Variants in GPCPD1 observed in about 807,000 individuals in gnomAD.
The protein encoded by GPCPD1 is glycerophosphocholine phosphodiesterase 1.
GPCPD1 carries 29 observed loss-of-function variants against 89.2 expected under a neutral mutation model. The ratio of observed to expected loss-of-function variants is 0.33; its 90% CI spans 0.24 to 0.44. The LOEUF is 0.44. Ranked by LOEUF, GPCPD1 falls within the 20% of genes least tolerant of loss-of-function variation. GPCPD1 has a pLI of 1.00. For missense variants in GPCPD1, 594 were observed against 808.9 expected (o/e 0.73, Z 3.22); for synonymous variants, 258 against 266.3 (o/e 0.97, Z 0.30).
chr20:5,581,774 TCTC>T (rs941620791), intron 6 of GPCPD1, among the ~76,000 whole-genome samples: 17 of 147,236 alleles, frequency 1.2e-4, no homozygotes, highest in African/African-American at 3.8e-4. Context: ...TTAGAAATTC[TCTC>T]CTAACTTAAG....
chr20:5,577,648 G>A (rs764000862), intron 8 of GPCPD1, among the ~76,000 whole-genome samples: 1 of 151,970 alleles, frequency 6.6e-6, no homozygotes, highest in Admixed American at 6.6e-5. Flanking sequence ...GAAACTGGCT[G>A]GGGGCTACTG....
rs780051276 is a variant in GPCPD1, at chr20:5,604,408, G to T, written c.5C>A (p.Thr2Lys). ...TATTTCAAAGGCAACCTGAGAAGGT[G>T]TCATTCTGATGGATTTATTTTATGA... M[T>K]PSQVAFEIRG... Residue 2 changes from threonine to lysine, a missense_variant, in exon 2 of 20, where the codon ACA (threonine) becomes AAA (lysine). By Grantham distance (78) the Thr-to-Lys change is moderately conservative (BLOSUM62 -1). Coordinates refer to ENST00000379019, the MANE Select transcript of GPCPD1 (RefSeq NM_019593.5). 4 of 1,564,292 alleles carry T rather than the reference G, an allele frequency of 2.6e-6. No homozygotes were observed. In the Admixed American group the frequency reaches 6.9e-5, roughly 27 times the overall value.
intron 3 of GPCPD1, among the ~76,000 whole-genome samples, chr20:5,594,885 G>A (rs1255256586): frequency 6.6e-6 from 1 of 152,182 alleles, no homozygotes; most frequent in Non-Finnish European, 1.5e-5. Flanking sequence ...CTTACTTCGT[G>A]TCTATGTCAC....
intron 6 of GPCPD1, among the ~76,000 whole-genome samples, chr20:5,581,648 C>G (rs1978492010): frequency 6.6e-6 from 1 of 152,046 alleles, no homozygotes; most frequent in South Asian, 2.1e-4. Flanking sequence ...AGCTACTCAC[C>G]TACTTAACAT....
chr20:5,594,796 T>C (rs1323406166), intron 3 of GPCPD1, among the ~76,000 whole-genome samples: 6 of 152,256 alleles, frequency 3.9e-5, no homozygotes, highest in Admixed American at 3.9e-4. Context: ...TCACAGATAC[T>C]GTGTTTTTTA....
intron 5 of GPCPD1, chr20:5,584,975 T>C (rs1600771408): frequency 6.6e-6 from 1 of 152,382 alleles, no homozygotes; most frequent in Middle Eastern, 3.4e-3. Flanking sequence ...CTTTAAACGT[T>C]AGTCTGAAAT....
Position 5,546,637 on chromosome 20 carries a change from T to G in GPCPD1, c.*1024A>C, listed in dbSNP as rs1370078419. Reference sequence around the variant, plus strand: ...ATGCATGATATACAATAAAGAATACTAATATGAAAATTCAGGACATTTATT... The same window carrying G: ...ATGCATGATATACAATAAAGAATACGAATATGAAAATTCAGGACATTTATT... On this transcript the variant is annotated 3_prime_UTR_variant, in exon 20 of 20. Coordinates refer to ENST00000379019, the MANE Select transcript of GPCPD1 (RefSeq NM_019593.5). 1 of 152,434 alleles carries G rather than the reference T, an allele frequency of 6.6e-6. No individual in the cohort carries two copies. Among genetic ancestry groups the G allele is most frequent in the Non-Finnish European group, 1.5e-5 (1 of 68,038 alleles). 9.4% of individuals were successfully genotyped at this position (152,434 alleles called of 1,614,324 possible).
chr20:5,604,568 A>T (rs373558452), intron 1 of GPCPD1, 128 bp from the exon 2 acceptor site: 1 of 181,422 alleles, frequency 5.5e-6, no homozygotes, highest in East Asian at 2.0e-4. Context: ...TTGCAGTTTT[A>T]TGGTGGGATT....
intron 12 of GPCPD1, among the ~76,000 whole-genome samples, chr20:5,568,590 C>T (rs977279992): frequency 6.6e-6 from 1 of 152,020 alleles, no homozygotes; most frequent in East Asian, 1.9e-4. Context: ...AATATTTGAA[C>T]TCTCATTGAT....
chr20:5,589,314 TA>T (rs1041923107), intron 4 of GPCPD1, among the ~76,000 whole-genome samples: 1 of 151,650 alleles, frequency 6.6e-6, no homozygotes, highest in Non-Finnish European at 1.5e-5. Context: ...TTTACTTCTT[TA>T]AAAAAAAATT....
At chr20:5,556,522 G>C (rs1429199030) in intron 19 of GPCPD1, among the ~76,000 whole-genome samples, 1 of 152,058 alleles carries the variant, frequency 6.6e-6, no homozygotes, top group Non-Finnish European at 1.5e-5. Context: ...ACATTTATAT[G>C]CACTCGGAAC....
At chr20:5,576,142 C>T (rs796328784) in intron 8 of GPCPD1, among the ~76,000 whole-genome samples, 164 bp from the exon 9 acceptor site, 10 of 151,400 alleles carry the variant, frequency 6.6e-5, no homozygotes, top group African/African-American at 2.2e-4. Flanking sequence ...TATTTTCGGC[C>T]GGGGTCAGTG....
chr20:5,558,188 C>T lies in GPCPD1; in HGVS notation c.1669-83G>A, dbSNP rs1292044343. 5.3e-6 allele frequency: 4 copies of T among 748,186 alleles called. No individual in the cohort carries two copies. In the Admixed American group the frequency reaches 1.1e-4, roughly 21 times the overall value. The allele number at this position is 748,186 out of a possible 1,614,324, so 46.3% of individuals were successfully genotyped here. On this transcript the variant is annotated intron_variant, in intron 18 of 19. Coordinates refer to ENST00000379019, the MANE Select transcript of GPCPD1 (RefSeq NM_019593.5). The stretch of plus-strand genomic sequence containing the variant: ...GCTCACACTCTAAATCAGTGCTCTC[C>T]AAAGTACAGCAGGCGGGAAAAGAAA...
At chr20:5,548,824 C>A (rs1985191783) in intron 19 of GPCPD1, 3 of 611,310 alleles carry the variant, frequency 4.9e-6, no homozygotes, top group South Asian at 3.3e-5. Flanking sequence ...AGGAGCAGAT[C>A]GATGTAAGAC....
chr20:5,600,722 C>T (rs1342706171), intron 2 of GPCPD1, among the ~76,000 whole-genome samples: 1 of 152,146 alleles, frequency 6.6e-6, no homozygotes, highest in Non-Finnish European at 1.5e-5. Context: ...ATCCCAGTTA[C>T]TCAGGAGGCT....
Position 5,578,504 on chromosome 20 carries a change from T to C in GPCPD1, c.581A>G (p.Asn194Ser), listed in dbSNP as rs749409888. 1.2e-5 allele frequency: 19 copies of C among 1,613,790 alleles called. No individual in the cohort carries two copies. Among genetic ancestry groups the C allele is most frequent in the Middle Eastern group, 1.6e-4 (1 of 6,062 alleles). The part of the protein sequence containing the change: ...NSLEISLISD[N>S]EFKCRHSQPE... ...CTGTGAATGCCTGCACTTGAACTCA[T>C]TGTCGCTTATTAAGGATATCTCCAA... Residue 194 changes from asparagine (N) to serine (S), a missense_variant, in exon 8 of 20, where the codon AAT (asparagine) becomes AGT (serine). Physicochemically the swap from Asn to Ser is conservative, Grantham distance 46. Transcript: ENST00000379019.
At position 5,547,562 on chromosome 20, in the gene GPCPD1, G is replaced by A. The variant is rs1008569177; in HGVS notation, c.*99C>T. The A allele has an allele frequency of 1.5e-5, 9 of 601,528 alleles. No individual in the cohort carries two copies. 37.3% of individuals were successfully genotyped at this position (601,528 alleles called of 1,614,324 possible). ...TACTTCATTATTGCTTCATTGAACT[G>A]AGAAGCCCAAAAGGCATAGATCAAC... is the stretch of plus-strand genomic sequence containing the variant. On this transcript the variant is annotated 3_prime_UTR_variant, in exon 20 of 20. Transcript: ENST00000379019.
At chr20:5,578,815 C>T (rs1978312792) in intron 7 of GPCPD1, among the ~76,000 whole-genome samples, 1 of 152,266 alleles carries the variant, frequency 6.6e-6, no homozygotes, top group Admixed American at 6.5e-5. Flanking sequence ...ATTATCTACA[C>T]ATATTTTTGC....
At position 5,561,505 on chromosome 20, in the gene GPCPD1, A is replaced by G. The variant is rs1986074218; in HGVS notation, c.1355T>C (p.Val452Ala). Reference sequence around the variant, plus strand: ...CCATTTTATTTCAATGTTAAACCCTACATCTTCTGGCAAAGACTCTAAAAC... The same window carrying G: ...CCATTTTATTTCAATGTTAAACCCTGCATCTTCTGGCAAAGACTCTAAAAC... ...KMVLESLPED[V>A]GFNIEIKWIC... The change falls in exon 16 of 20, where the codon GTA (valine) becomes GCA (alanine). Residue 452 changes from valine to alanine, a missense_variant. By Grantham distance (64) the Val-to-Ala change is moderately conservative. Transcript: ENST00000379019. The G allele has an allele frequency of 1.2e-6, 2 of 1,601,918 alleles. No homozygotes were observed. The highest frequency in any genetic ancestry group is 3.3e-5 in the Admixed American group (2 of 59,846).
Sources: gnomAD v4.1 joint callset for allele counts (sites outside exome capture counted in the v4.1 genomes callset) on GRCh38, gnomAD v4.1.1 for gene constraint, MANE v1.5 for transcripts, NCBI Gene and HGNC (gene_info 2026-07-23, HGNC 2026-07-21) for gene names.